GALNT10: variants seen among roughly 807,000 people sequenced by gnomAD.
GALNT10 encodes polypeptide N-acetylgalactosaminyltransferase 10.
In GALNT10, 41 loss-of-function variants were observed where a neutral mutation model predicts 75.0. That is an observed-to-expected ratio of 0.55 (90% CI 0.43 to 0.71). The LOEUF (loss-of-function observed/expected upper bound fraction) is 0.71. Among genes scored for constraint, GALNT10 ranks in the 30% least tolerant of loss-of-function variants. GALNT10 has a pLI of 0.00. For missense variants in GALNT10, 727 were observed against 818.5 expected (o/e 0.89, Z 1.36); for synonymous variants, 302 against 313.0 (o/e 0.96, Z 0.37).
At chr5:154,235,531 C>T (rs772595486) in intron 1 of GALNT10, among the ~76,000 whole-genome samples, 3 of 152,042 alleles carry the variant, frequency 2.0e-5, no homozygotes, top group Non-Finnish European at 4.4e-5. Context: ...CTCTGGAACC[C>T]ACGTGTGTGT....
intron 4 of GALNT10, among the ~76,000 whole-genome samples, chr5:154,374,958 G>A (rs1311633854): frequency 6.6e-6 from 1 of 152,110 alleles, no homozygotes; most frequent in Non-Finnish European, 1.5e-5. Flanking sequence ...TTCATCTATG[G>A]TGTTTAAAGT....
In GALNT10 at chr5:154,352,641, G is replaced by T. The variant is rs1015112993; in HGVS notation, c.568+22903G>T. Among the ~76,000 whole-genome samples the T allele has an allele frequency of 2.0e-5, 3 of 152,178 alleles. No homozygotes were observed. The highest frequency in any genetic ancestry group is 1.3e-4 in the Admixed American group (2 of 15,286). On this transcript the variant is annotated intron_variant, in intron 4 of 11. Coordinates refer to ENST00000297107, the MANE Select transcript of GALNT10 (RefSeq NM_198321.4). The surrounding 1 kb of genome is among the most constrained non-coding windows in gnomAD (Gnocchi z 4.4). Reference sequence around the variant, plus strand: ...CTACCATCTTGCCCCCAGAGGTCTTGCCTGTCATTCAGGAAGAGAGGAATT... The same window carrying T: ...CTACCATCTTGCCCCCAGAGGTCTTTCCTGTCATTCAGGAAGAGAGGAATT...
intron 1 of GALNT10, among the ~76,000 whole-genome samples, chr5:154,204,701 C>T (rs1240252560): frequency 1.3e-5 from 2 of 152,214 alleles, no homozygotes; most frequent in East Asian, 3.8e-4. Context: ...TCTTTTAGGT[C>T]TTGGCTCCAA....
At chr5:154,217,280 G>A (rs551664684) in intron 1 of GALNT10, among the ~76,000 whole-genome samples, 1 of 152,214 alleles carries the variant, frequency 6.6e-6, no homozygotes, top group East Asian at 1.9e-4. Flanking sequence ...CTAAAGCCTT[G>A]TTTGCCCTCT....
chr5:154,347,559 G>A (rs546034633), intron 4 of GALNT10, among the ~76,000 whole-genome samples: 4 of 151,986 alleles, frequency 2.6e-5, no homozygotes, highest in East Asian at 1.9e-4. Context: ...ACAAGGTCTC[G>A]CTGTGTTGCC....
intron 1 of GALNT10, among the ~76,000 whole-genome samples, chr5:154,210,385 T>TACACAC (rs35928766): frequency 0.041 from 6,058 of 148,940 alleles, 172 homozygotes; most frequent in South Asian, 0.09. Flanking sequence ...CACACATGCA[T>TACACAC]ACACACACAC....
chr5:154,219,477 C>G (rs1035975861), intron 1 of GALNT10: 1 of 152,380 alleles, frequency 6.6e-6, no homozygotes, highest in African/African-American at 2.4e-5. Context: ...CCTCCAGCGT[C>G]TAGCACACCT....
chr5:154,418,492 C>T lies in GALNT10; in HGVS notation c.*1520C>T, dbSNP rs1361629018. 2 of 152,250 alleles carry T rather than the reference C, an allele frequency of 1.3e-5. No individual in the cohort carries two copies. Among genetic ancestry groups the T allele is most frequent in the Admixed American group, 1.3e-4 (2 of 15,282 alleles). The allele number at this position is 152,250 out of a possible 1,614,324, so 9.4% of individuals were successfully genotyped here. The stretch of plus-strand genomic sequence containing the variant: ...GGAAATCACATTCCACAATCTATGG[C>T]TTCCACCAGCTAGCCCAGGAAATAC... On this transcript the variant is annotated 3_prime_UTR_variant, in exon 12 of 12. Transcript: ENST00000297107.
At chr5:154,252,484 C>T (rs576804942) in intron 1 of GALNT10, among the ~76,000 whole-genome samples, 1 of 152,142 alleles carries the variant, frequency 6.6e-6, no homozygotes, top group African/African-American at 2.4e-5. Flanking sequence ...CCTTGCGTAT[C>T]TTGTTGTTCT....
At chr5:154,379,737 C>A (rs1243052798) in intron 5 of GALNT10, among the ~76,000 whole-genome samples, 1 of 152,238 alleles carries the variant, frequency 6.6e-6, no homozygotes, top group Non-Finnish European at 1.5e-5. Flanking sequence ...TCAAGACCCC[C>A]CATTTGCCTT....
At chr5:154,277,675 T>C (rs1209891911) in intron 1 of GALNT10, among the ~76,000 whole-genome samples, 4 of 152,226 alleles carry the variant, frequency 2.6e-5, no homozygotes, top group Admixed American at 2.6e-4. Context: ...CAGTGACCCA[T>C]AAACCAGAGT....
In GALNT10 at chr5:154,409,957, A is replaced by G. The variant is rs1018998709; in HGVS notation, c.1386+195A>G. On this transcript the variant is annotated intron_variant, in intron 9 of 11. Coordinates refer to ENST00000297107, the MANE Select transcript of GALNT10 (RefSeq NM_198321.4). This position sits in a 1 kb window ranked among gnomAD's most constrained non-coding sequence, Gnocchi z 4.5. Reference sequence around the variant, plus strand: ...TTGTTAGTTAGTGTTCTCAGTGTAGAAAAATTAAAACTTTAAGTTATTAGC... The same window carrying G: ...TTGTTAGTTAGTGTTCTCAGTGTAGGAAAATTAAAACTTTAAGTTATTAGC... 5.3e-5 allele frequency among the ~76,000 whole-genome samples: 8 copies of G among 152,212 alleles called. No homozygotes were observed. Among genetic ancestry groups the G allele is most frequent in the African/African-American group, 1.7e-4 (7 of 41,448 alleles).
chr5:154,345,488 T>A (rs201836701), intron 4 of GALNT10, among the ~76,000 whole-genome samples: 3 of 152,226 alleles, frequency 2.0e-5, no homozygotes, highest in East Asian at 3.9e-4. Flanking sequence ...ACCATTCTGC[T>A]CTGTAACTAT....
At chr5:154,392,859 A>G (rs574421117) in intron 7 of GALNT10, 1 of 152,232 alleles carries the variant, frequency 6.6e-6, no homozygotes, top group African/African-American at 2.4e-5. Context: ...ATTTCAGAGC[A>G]AGCACATTCT....
chr5:154,334,985 C>T (rs12523364), intron 4 of GALNT10, among the ~76,000 whole-genome samples: 33,480 of 152,072 alleles, frequency 0.22, 4,017 homozygotes, highest in African/African-American at 0.32. Flanking sequence ...TGCCCCATCC[C>T]TCTTTGCATT....
chr5:154,411,460 G>A (rs1394950024), intron 9 of GALNT10, among the ~76,000 whole-genome samples: 6 of 152,326 alleles, frequency 3.9e-5, no homozygotes, highest in Middle Eastern at 3.4e-3. Context: ...CGGGGAAGAC[G>A]AAAAGCAAGG....
chr5:154,386,271 A>C, intron 6 of GALNT10, 42 bp from the exon 7 acceptor site: 1 of 1,401,734 alleles, frequency 7.1e-7, no homozygotes, highest in African/African-American at 1.4e-5. Flanking sequence ...GCATGTGGCC[A>C]GGACATCTGC....
At chr5:154,345,030 A>G (rs1223064012) in intron 4 of GALNT10, among the ~76,000 whole-genome samples, 1 of 152,214 alleles carries the variant, frequency 6.6e-6, no homozygotes, top group African/African-American at 2.4e-5. Flanking sequence ...AGAACTGTCC[A>G]CGTGCTCAGA....
chr5:154,207,411 C>T (rs1425888080), intron 1 of GALNT10, among the ~76,000 whole-genome samples: 1 of 152,140 alleles, frequency 6.6e-6, no homozygotes, highest in Non-Finnish European at 1.5e-5. Flanking sequence ...CACTCAAGGT[C>T]ACACAGCTGG....
Sources: allele counts gnomAD v4.1 joint callset (sites outside exome capture counted in the v4.1 genomes callset), GRCh38; gene constraint gnomAD v4.1.1; non-coding constraint Gnocchi (gnomAD v3.1); transcripts MANE v1.5; gene names NCBI Gene and HGNC (gene_info 2026-07-23, HGNC 2026-07-21).